AP3S1: variants seen among roughly 807,000 people sequenced by gnomAD.
AP3S1 encodes AP-3 complex subunit sigma-1.
Under a neutral mutation model 21.3 loss-of-function variants are expected in AP3S1, and 12 were observed. That is an observed-to-expected ratio of 0.56 (90% CI 0.36 to 0.91). AP3S1 has a LOEUF of 0.91. AP3S1 is among the 40% of genes least tolerant of loss of function. The probability of loss-of-function intolerance (pLI) is 0.01; values close to 1 mark genes in which losing one functional copy is unlikely to be tolerated. For missense variants in AP3S1, 116 were observed against 225.0 expected (o/e 0.52, Z 3.10); for synonymous variants, 48 against 78.4 (o/e 0.61, Z 2.05).
At chr5:115,903,139 C>T (rs1243086990) in intron 5 of AP3S1, 147 bp downstream of exon 5, 9 of 576,162 alleles carry the variant, frequency 1.6e-5, no homozygotes, top group East Asian at 6.7e-5. Flanking sequence ...GGAATATACA[C>T]GTAGTATGCT....
At chr5:115,855,802 A>G (rs1456860408) in intron 1 of AP3S1, among the ~76,000 whole-genome samples, 2 of 152,162 alleles carry the variant, frequency 1.3e-5, no homozygotes, top group East Asian at 3.8e-4. Context: ...TCTGTATTTT[A>G]ACATTTACCA....
intron 3 of AP3S1, among the ~76,000 whole-genome samples, chr5:115,876,850 T>C (rs1214127799): frequency 6.6e-6 from 1 of 152,208 alleles, no homozygotes; most frequent in African/African-American, 2.4e-5. Flanking sequence ...AATAATGTTA[T>C]GTCCATAGTG....
At chr5:115,880,881 C>T (rs1749218344) in intron 3 of AP3S1, among the ~76,000 whole-genome samples, 1 of 152,136 alleles carries the variant, frequency 6.6e-6, no homozygotes, top group Non-Finnish European at 1.5e-5. Context: ...CTGGGTGCTC[C>T]TGTGTTGGGT....
chr5:115,843,175 G>A (rs144443330), intron 1 of AP3S1, among the ~76,000 whole-genome samples: 19 of 152,306 alleles, frequency 1.2e-4, no homozygotes, highest in Middle Eastern at 6.8e-3. Flanking sequence ...TATAACTGTT[G>A]TGTGGTATTG....
intron 3 of AP3S1, among the ~76,000 whole-genome samples, chr5:115,894,501 G>A (rs1206032616): frequency 1.3e-5 from 2 of 152,204 alleles, no homozygotes; most frequent in African/African-American, 4.8e-5. Context: ...GGCTAGTCCT[G>A]AAAACAGTCC....
At chr5:115,842,188 C>T (rs932359958) in intron 1 of AP3S1, 82 bp downstream of exon 1, 10 of 1,481,658 alleles carry the variant, frequency 6.7e-6, no homozygotes, top group African/African-American at 1.5e-5. Context: ...CTCAGAGCGA[C>T]CCCCTCCGGC....
chr5:115,852,845 A>G (rs1462255452), intron 1 of AP3S1: 1 of 293,752 alleles, frequency 3.4e-6, no homozygotes, highest in Non-Finnish European at 6.7e-6. Context: ...AAATATATAT[A>G]CACTGTATCT....
intron 1 of AP3S1, among the ~76,000 whole-genome samples, chr5:115,845,266 A>T (rs1286793430): frequency 6.6e-6 from 1 of 152,262 alleles, no homozygotes; most frequent in African/African-American, 2.4e-5. Context: ...GTCCAACAGT[A>T]ATCGTTTAAC....
At chr5:115,860,567 C>T (rs1042890795) in intron 1 of AP3S1, among the ~76,000 whole-genome samples, 1 of 152,170 alleles carries the variant, frequency 6.6e-6, no homozygotes, top group African/African-American at 2.4e-5. Context: ...TCTTCACTTC[C>T]AGACATATGT....
intron 1 of AP3S1, among the ~76,000 whole-genome samples, chr5:115,859,563 AC>A (rs1374532037): frequency 3.9e-5 from 6 of 152,206 alleles, no homozygotes; most frequent in African/African-American, 1.4e-4. Flanking sequence ...GAAGAGATAC[AC>A]CCAGTAGGCT....
intron 4 of AP3S1, among the ~76,000 whole-genome samples, chr5:115,902,062 C>G (rs1426462711): frequency 6.6e-6 from 1 of 152,130 alleles, no homozygotes; most frequent in African/African-American, 2.4e-5. Context: ...GTAACAGACT[C>G]AGAGAGCTGA....
intron 4 of AP3S1, among the ~76,000 whole-genome samples, chr5:115,902,655 A>G (rs1751313158): frequency 6.6e-6 from 1 of 152,168 alleles, no homozygotes; most frequent in Admixed American, 6.5e-5. Flanking sequence ...CTATGAAGGT[A>G]GTACTATTGT....
chr5:115,847,803 A>G (rs1405599319), intron 1 of AP3S1, among the ~76,000 whole-genome samples: 1 of 152,164 alleles, frequency 6.6e-6, no homozygotes, highest in African/African-American at 2.4e-5. Flanking sequence ...GTTTTCTGAA[A>G]TTTTAGATTG....
At chr5:115,893,190 A>C (rs1750465843) in intron 3 of AP3S1, among the ~76,000 whole-genome samples, 1 of 152,156 alleles carries the variant, frequency 6.6e-6, no homozygotes, top group Non-Finnish European at 1.5e-5. Flanking sequence ...TCCCATACCA[A>C]GTGCCACTAG....
intron 5 of AP3S1, among the ~76,000 whole-genome samples, chr5:115,905,031 C>G (rs948605566): frequency 4.6e-5 from 7 of 152,048 alleles, no homozygotes; most frequent in Non-Finnish European, 7.4e-5. Flanking sequence ...GACATTTATG[C>G]CTGGTGTTCC....
intron 5 of AP3S1, among the ~76,000 whole-genome samples, chr5:115,908,459 A>G (rs1213070305): frequency 6.6e-6 from 1 of 152,102 alleles, no homozygotes; most frequent in African/African-American, 2.4e-5. Context: ...CTGCCTCTCT[A>G]CCTTGACATA....
At chr5:115,849,319 C>A (rs185277184) in intron 1 of AP3S1, among the ~76,000 whole-genome samples, 1 of 152,208 alleles carries the variant, frequency 6.6e-6, no homozygotes, top group Admixed American at 6.5e-5. Context: ...ACCTCTTTGA[C>A]GACCTGACAT....
At chr5:115,906,001 CA>C (rs540452420) in intron 5 of AP3S1, among the ~76,000 whole-genome samples, 66 of 152,122 alleles carry the variant, frequency 4.3e-4, no homozygotes, top group African/African-American at 1.5e-3. Context: ...ACTAAAAATA[CA>C]AAAAAATTAT....
intron 1 of AP3S1, among the ~76,000 whole-genome samples, chr5:115,848,393 G>T (rs1762213049): frequency 6.6e-6 from 1 of 152,020 alleles, no homozygotes; most frequent in African/African-American, 2.4e-5. Flanking sequence ...ATTAAACATT[G>T]TGGCTTTAAG....
Sources: gnomAD v4.1 joint callset for allele counts (sites outside exome capture counted in the v4.1 genomes callset) on GRCh38, gnomAD v4.1.1 for gene constraint, MANE v1.5 for transcripts, NCBI Gene and HGNC (gene_info 2026-07-23, HGNC 2026-07-21) for gene names.